CARMIL1: variants seen among roughly 807,000 people sequenced by gnomAD.
CARMIL1 encodes capping protein regulator and myosin 1 linker 1, also known as F-actin-uncapping protein LRRC16A.
In CARMIL1, 90 loss-of-function variants were observed where a neutral mutation model predicts 177.1. That is an observed-to-expected ratio of 0.51 (90% CI 0.43 to 0.61). CARMIL1 has a LOEUF of 0.61. Among genes scored for constraint, CARMIL1 ranks in the 20% least tolerant of loss-of-function variants. CARMIL1 has a pLI of 0.00. For synonymous variants in CARMIL1, 577 were observed against 606.2 expected (o/e 0.95, Z 0.71); for missense variants, 1,380 against 1,667.0 (o/e 0.83, Z 3.00).
At chr6:25,618,166 T>C (rs1372351764) in intron 36 of CARMIL1, among the ~76,000 whole-genome samples, 4 of 152,196 alleles carry the variant, frequency 2.6e-5, no homozygotes, top group African/African-American at 9.6e-5. Context: ...AGAAGTACTC[T>C]ATTAGGTTTG....
chr6:25,603,225 C>G (rs940759554), intron 33 of CARMIL1, among the ~76,000 whole-genome samples: 10 of 152,224 alleles, frequency 6.6e-5, no homozygotes, highest in African/African-American at 2.4e-4. Flanking sequence ...GGTCCCCAGC[C>G]CTGTCCTGCA....
intron 12 of CARMIL1, among the ~76,000 whole-genome samples, chr6:25,482,740 T>G (rs768962406): frequency 6.6e-6 from 1 of 152,196 alleles, no homozygotes; most frequent in Non-Finnish European, 1.5e-5. Context: ...GGGCTTAACT[T>G]GTGAATCACC....
intron 4 of CARMIL1, among the ~76,000 whole-genome samples, chr6:25,433,686 T>C (rs1173902479): frequency 2.6e-5 from 4 of 152,114 alleles, no homozygotes; most frequent in Non-Finnish European, 1.5e-5. Flanking sequence ...CACTGAAAAA[T>C]AGGAATTTTA....
intron 2 of CARMIL1, among the ~76,000 whole-genome samples, chr6:25,309,140 GGCCTCTT>G (rs1164043345): frequency 1.3e-5 from 2 of 152,040 alleles, no homozygotes; most frequent in Non-Finnish European, 2.9e-5. Context: ...CTCCCGCCTA[GGCCTCTT>G]AAAGTGCTGA....
chr6:25,593,307 T>C (rs181845673), intron 31 of CARMIL1, among the ~76,000 whole-genome samples: 1 of 152,216 alleles, frequency 6.6e-6, no homozygotes, highest in African/African-American at 2.4e-5. Context: ...TACCTACTTA[T>C]ATTCTCTGGC....
intron 4 of CARMIL1, among the ~76,000 whole-genome samples, chr6:25,434,946 G>A (rs1025403146): frequency 6.6e-6 from 1 of 152,156 alleles, no homozygotes; most frequent in African/African-American, 2.4e-5. Context: ...TTTAAAATGT[G>A]TGTGTGTGTA....
intron 8 of CARMIL1, chr6:25,452,063 T>G: frequency 1.7e-6 from 1 of 595,884 alleles, no homozygotes; most frequent in Non-Finnish European, 3.2e-6. Flanking sequence ...AATTGCAGTG[T>G]GGTCCCTGAA....
At chr6:25,526,034 G>A (rs1262417668) in intron 23 of CARMIL1, among the ~76,000 whole-genome samples, 10 of 152,012 alleles carry the variant, frequency 6.6e-5, no homozygotes, top group African/African-American at 1.7e-4. Flanking sequence ...TCAGGGCCGG[G>A]CGTGGTGGTT....
At chr6:25,396,875 T>G (rs1327903982) in intron 2 of CARMIL1, among the ~76,000 whole-genome samples, 1 of 152,126 alleles carries the variant, frequency 6.6e-6, no homozygotes, top group East Asian at 1.9e-4. Flanking sequence ...CACCCAACAT[T>G]AAATGGCTAT....
At chr6:25,565,970 C>T (rs1562291779) in intron 29 of CARMIL1, among the ~76,000 whole-genome samples, 1 of 152,198 alleles carries the variant, frequency 6.6e-6, no homozygotes, top group Non-Finnish European at 1.5e-5. Flanking sequence ...TTGAGTTCCC[C>T]CTTTCCCTCC....
At chr6:25,447,873 C>T (rs1798388460) in intron 5 of CARMIL1, among the ~76,000 whole-genome samples, 1 of 152,138 alleles carries the variant, frequency 6.6e-6, no homozygotes, top group African/African-American at 2.4e-5. Flanking sequence ...GCTCAGCCCA[C>T]AACATCCATG....
At chr6:25,381,440 TG>T (rs1258255441) in intron 2 of CARMIL1, among the ~76,000 whole-genome samples, 1 of 152,208 alleles carries the variant, frequency 6.6e-6, no homozygotes, top group East Asian at 1.9e-4. Flanking sequence ...CCACAGATTA[TG>T]GGCTTAGACC....
chr6:25,419,999 G>A, intron 2 of CARMIL1, 115 bp from the exon 3 acceptor site: 1 of 781,236 alleles, frequency 1.3e-6, no homozygotes, highest in Admixed American at 1.8e-5. Context: ...CATGACAGGA[G>A]CCAAGCCATG....
At chr6:25,309,354 CAA>C (rs70975001) in intron 2 of CARMIL1, among the ~76,000 whole-genome samples, 8,380 of 85,776 alleles carry the variant, frequency 0.098, 255 homozygotes, top group African/African-American at 0.18. Context: ...GAGTCCCTCT[CAA>C]AAAAAAAAAA....
chr6:25,540,978 A>G (rs1242062400), intron 26 of CARMIL1, among the ~76,000 whole-genome samples: 1 of 152,132 alleles, frequency 6.6e-6, no homozygotes, highest in Non-Finnish European at 1.5e-5. Context: ...TTTTTATTTT[A>G]TTTAATCACG....
chr6:25,308,677 G>A (rs1783485439), intron 2 of CARMIL1, among the ~76,000 whole-genome samples: 1 of 110,598 alleles, frequency 9.0e-6, no homozygotes, highest in South Asian at 2.8e-4. Context: ...CACTGTTCCG[G>A]CCATTTTTTT....
chr6:25,524,505 C>T (rs1284304396), intron 23 of CARMIL1, among the ~76,000 whole-genome samples: 2 of 152,192 alleles, frequency 1.3e-5, no homozygotes, highest in Non-Finnish European at 2.9e-5. Flanking sequence ...AGCCAGTTAA[C>T]ATATAAAACC....
chr6:25,552,331 A>G (rs1489407144), intron 27 of CARMIL1, among the ~76,000 whole-genome samples: 1 of 152,168 alleles, frequency 6.6e-6, no homozygotes, highest in Non-Finnish European at 1.5e-5. Flanking sequence ...CAAATAGATC[A>G]TATTTTGATA....
At chr6:25,324,195 A>G (rs1055099130) in intron 2 of CARMIL1, among the ~76,000 whole-genome samples, 7 of 152,246 alleles carry the variant, frequency 4.6e-5, no homozygotes, top group Non-Finnish European at 7.3e-5. Context: ...AGCAAATCCC[A>G]TGCTAGGCGT....
Sources: gnomAD v4.1 joint callset for allele counts (sites outside exome capture counted in the v4.1 genomes callset) on GRCh38, gnomAD v4.1.1 for gene constraint, MANE v1.5 for transcripts, NCBI Gene and HGNC (gene_info 2026-07-23, HGNC 2026-07-21) for gene names.